Variants in MOXD1 observed in about 807,000 individuals in gnomAD.
MOXD1 encodes DBH-like monooxygenase protein 1.
In MOXD1, 62 loss-of-function variants were observed where a neutral mutation model predicts 66.6. The ratio of observed to expected loss-of-function variants is 0.93; its 90% confidence interval spans 0.76 to 1.15. The LOEUF is 1.15. Among genes scored for constraint, MOXD1 ranks in the 50% most tolerant of loss-of-function variants. MOXD1 has a pLI of 0.00. For synonymous variants in MOXD1, 303 were observed against 281.9 expected (o/e 1.07, Z -0.75); for missense variants, 847 against 754.6 (o/e 1.12, Z -1.44).
At chr6:132,351,866 G>C (rs1775808683) in intron 4 of MOXD1, among the ~76,000 whole-genome samples, 1 of 152,110 alleles carries the variant, frequency 6.6e-6, no homozygotes, top group African/African-American at 2.4e-5. Context: ...TAGGAGAGTT[G>C]TATTTTTCCA....
intron 1 of MOXD1, chr6:132,392,447 C>G: frequency 8.0e-7 from 1 of 1,249,374 alleles, no homozygotes; most frequent in Non-Finnish European, 1.1e-6. Flanking sequence ...CAGCATTCAT[C>G]GGCTGCATTA....
At chr6:132,320,882 T>G (rs1346240338) in intron 8 of MOXD1, among the ~76,000 whole-genome samples, 194 bp from the exon 9 acceptor site, 2 of 152,240 alleles carry the variant, frequency 1.3e-5, no homozygotes, top group African/African-American at 2.4e-5. Context: ...GGACTCTCTG[T>G]GTTTCCACCA....
intron 10 of MOXD1, among the ~76,000 whole-genome samples, chr6:132,302,507 C>G (rs114898361): frequency 6.6e-6 from 1 of 151,834 alleles, no homozygotes; most frequent in African/African-American, 2.4e-5. Context: ...ACAAAACATG[C>G]GCAAAACTTC....
intron 4 of MOXD1, among the ~76,000 whole-genome samples, chr6:132,337,349 T>C (rs1220249309): frequency 6.6e-6 from 1 of 152,210 alleles, no homozygotes; most frequent in Non-Finnish European, 1.5e-5. Context: ...CATTGGAACA[T>C]TGCCACATAA....
At chr6:132,345,720 G>A (rs957321857) in intron 4 of MOXD1, among the ~76,000 whole-genome samples, 4 of 152,054 alleles carry the variant, frequency 2.6e-5, no homozygotes, top group Non-Finnish European at 5.9e-5. Flanking sequence ...GACTAGGAAG[G>A]ATTTTGAGCT....
In MOXD1 at chr6:132,349,440, T is replaced by TATATATATATAC. The variant is rs1562290023; in HGVS notation, c.664-20858_664-20847dup. Among the ~76,000 whole-genome samples the TATATATATATAC allele has an allele frequency of 2.0e-4, 13 of 66,094 alleles. 2 individuals are homozygous for TATATATATATAC. The highest frequency in any genetic ancestry group is 2.9e-4 in the Non-Finnish European group (12 of 41,396). 43.4% of individuals were successfully genotyped at this position (66,094 alleles called of 152,430 possible). A position where few individuals can be genotyped will look rare whatever the true frequency, so the allele number is the denominator to read the frequency against. On this transcript the variant is annotated intron_variant, in intron 4 of 11. Coordinates refer to ENST00000367963, the MANE Select transcript of MOXD1 (RefSeq NM_015529.4). ...ATATATACATATATATATATACATATATATATATATACATATATATATATA... is the reference window on the plus strand; with the variant it reads ...ATATATACATATATATATATACATATATATATATATACATATATATATACATATATATATATA...
chr6:132,314,919 T>C (rs367827697), intron 10 of MOXD1, among the ~76,000 whole-genome samples: 3 of 152,302 alleles, frequency 2.0e-5, no homozygotes, highest in African/African-American at 7.2e-5. Context: ...AAGAGAACAA[T>C]TATACCTAAA....
intron 10 of MOXD1, among the ~76,000 whole-genome samples, chr6:132,310,631 TGTG>T (rs1326336762): frequency 1.4e-4 from 21 of 152,090 alleles, no homozygotes; most frequent in Non-Finnish European, 5.9e-5. Flanking sequence ...ATACAGAAAA[TGTG>T]GTACATATAC....
At chr6:132,329,598 G>A (rs932143094) in intron 4 of MOXD1, among the ~76,000 whole-genome samples, 3 of 151,982 alleles carry the variant, frequency 2.0e-5, no homozygotes, top group African/African-American at 7.3e-5. Flanking sequence ...ATAAATGCAT[G>A]GTGCTGAGAA....
intron 10 of MOXD1, among the ~76,000 whole-genome samples, chr6:132,310,304 C>T (rs1188785451): frequency 6.6e-6 from 1 of 152,240 alleles, no homozygotes; most frequent in Non-Finnish European, 1.5e-5. Context: ...GATACCATCT[C>T]ATTCCAGTCA....
intron 1 of MOXD1, among the ~76,000 whole-genome samples, chr6:132,378,024 A>G (rs375484562): frequency 1.3e-5 from 2 of 152,078 alleles, no homozygotes; most frequent in East Asian, 3.9e-4. Context: ...ACTACACGGG[A>G]GGCTGAGCTG....
intron 1 of MOXD1, among the ~76,000 whole-genome samples, chr6:132,387,855 A>T (rs1776684792): frequency 6.6e-6 from 1 of 150,702 alleles, no homozygotes; most frequent in Admixed American, 6.7e-5. Context: ...GGATATAGTG[A>T]GAAACCCTGC....
chr6:132,340,049 T>C (rs908521703), intron 4 of MOXD1, among the ~76,000 whole-genome samples: 3 of 152,082 alleles, frequency 2.0e-5, no homozygotes, highest in Non-Finnish European at 4.4e-5. Flanking sequence ...TTTGTATTTT[T>C]AGTAGAGACG....
intron 4 of MOXD1, among the ~76,000 whole-genome samples, chr6:132,355,587 A>G (rs1323663477): frequency 1.3e-5 from 2 of 152,182 alleles, no homozygotes; most frequent in African/African-American, 4.8e-5. Context: ...AGACTTCTAG[A>G]GAACAAGATA....
intron 4 of MOXD1, among the ~76,000 whole-genome samples, chr6:132,371,696 A>G (rs1202627955): frequency 1.3e-5 from 2 of 152,164 alleles, no homozygotes; most frequent in East Asian, 1.9e-4. Flanking sequence ...CTGAGAGCAC[A>G]TAGTTTAATT....
chr6:132,368,356 C>T (rs9375876), intron 4 of MOXD1, among the ~76,000 whole-genome samples: 42,875 of 151,828 alleles, frequency 0.28, 7,195 homozygotes, highest in East Asian at 0.67. Context: ...AAAGAGATGA[C>T]CTCACATGAG....
At chr6:132,396,463 C>T (rs745484742) in intron 1 of MOXD1, among the ~76,000 whole-genome samples, 1 of 151,340 alleles carries the variant, frequency 6.6e-6, no homozygotes, top group Non-Finnish European at 1.5e-5. Flanking sequence ...TAATAATTCA[C>T]CTAAAAAAAA....
chr6:132,386,437 A>AC (rs1262240824), intron 1 of MOXD1, among the ~76,000 whole-genome samples: 4,666 of 145,322 alleles, frequency 0.032, 269 homozygotes, highest in African/African-American at 0.11. Flanking sequence ...ACAAAACAAA[A>AC]AAAAAAAACA....
At chr6:132,323,456 G>T (rs9402396) in intron 7 of MOXD1, among the ~76,000 whole-genome samples, 32,388 of 151,934 alleles carry the variant, frequency 0.21, 5,049 homozygotes, top group East Asian at 0.67. Flanking sequence ...TAAAAAACTT[G>T]AAGTGAAAAT....
Sources: allele counts gnomAD v4.1 joint callset (sites outside exome capture counted in the v4.1 genomes callset), GRCh38; gene constraint gnomAD v4.1.1; transcripts MANE v1.5; gene names NCBI Gene and HGNC (gene_info 2026-07-23, HGNC 2026-07-21).